NOD2: variants seen among roughly 807,000 people sequenced by gnomAD.
NOD2 encodes nucleotide binding oligomerization domain containing 2, also known as nucleotide-binding oligomerization domain-containing protein 2.
In NOD2, 86 loss-of-function variants were observed where a neutral mutation model predicts 90.9. The ratio of observed to expected loss-of-function variants is 0.95; its 90% CI spans 0.79 to 1.13. The LOEUF is 1.13. NOD2 is among the 50% of genes most tolerant of loss of function. NOD2 has a pLI of 0.00. For synonymous variants in NOD2, 581 were observed against 554.6 expected (o/e 1.05, Z -0.67); for missense variants, 1,238 against 1,283.8 (o/e 0.96, Z 0.55).
chr16:50,702,338 G>T (rs1165277109), intron 2 of NOD2, among the ~76,000 whole-genome samples: 1 of 152,208 alleles, frequency 6.6e-6, no homozygotes, highest in East Asian at 1.9e-4. Context: ...TAGCAGGGAT[G>T]GGAGACAACA....
intron 11 of NOD2, 178 bp downstream of exon 11, chr16:50,730,079 C>A: frequency 1.7e-6 from 1 of 574,320 alleles, no homozygotes; most frequent in Non-Finnish European, 3.2e-6. Flanking sequence ...GAAGTCTTTA[C>A]CTCTTTAAGT....
Position 50,711,271 on chromosome 16 carries a change from C to T in NOD2, c.1279C>T (p.Leu427=). The T allele has an allele frequency of 6.2e-7, 1 of 1,613,822 alleles. No individual in the cohort carries two copies. The highest frequency in any genetic ancestry group is 1.6e-4 in the Middle Eastern group (1 of 6,062). Residue 427 remains leucine, a synonymous_variant, in exon 4 of 12, where the codon CTG becomes TTG. Coordinates refer to ENST00000647318, the MANE Select transcript of NOD2 (RefSeq NM_001370466.1). ...GGGCTTCTCTGAACAGGGCATCGAG[C>T]TGTACCTGAGGAAGCGCCATCATGA... ...LKGFSEQGIE[L]YLRKRHHEPG...
chr16:50,710,576 A>G lies in NOD2; in HGVS notation c.584A>G (p.Tyr195Cys). 2 of 1,614,210 alleles carry G rather than the reference A, an allele frequency of 1.2e-6. No homozygotes were observed. The highest frequency in any genetic ancestry group is 4.5e-5 in the East Asian group (2 of 44,870). The part of the protein sequence containing the change: ...LPLEAATCKK[Y>C]MAKLRTTVSA... ...CTTCCAGCTGCCACATGCAAGAAGT[A>G]TATGGCCAAGCTGAGGACCACGGTG... The change falls in exon 4 of 12, where the codon TAT becomes TGT. Residue 195 changes from tyrosine to cysteine, a missense_variant. Physicochemically the swap from Tyr to Cys is radical, Grantham distance 194 (BLOSUM62 -2). Coordinates refer to ENST00000647318, the MANE Select transcript of NOD2 (RefSeq NM_001370466.1).
chr16:50,695,797 G>C (rs1461514137), intron 1 of NOD2, among the ~76,000 whole-genome samples: 1 of 152,006 alleles, frequency 6.6e-6, no homozygotes, highest in Non-Finnish European at 1.5e-5. Context: ...GCTGAGGGCT[G>C]AGGATTGAGC....
At chr16:50,697,551 C>A in intron 1 of NOD2, 1 of 611,112 alleles carries the variant, frequency 1.6e-6, no homozygotes, top group Non-Finnish European at 3.0e-6. Flanking sequence ...CACTCCAGGG[C>A]CAAGCCCAGA....
chr16:50,726,426 G>A (rs887582487), intron 10 of NOD2, among the ~76,000 whole-genome samples: 2 of 152,174 alleles, frequency 1.3e-5, no homozygotes, highest in Non-Finnish European at 1.5e-5. Flanking sequence ...CCACTCTGGC[G>A]ACACTCATTT....
At chr16:50,714,129 G>T (rs1371178344) in intron 4 of NOD2, among the ~76,000 whole-genome samples, 1 of 152,150 alleles carries the variant, frequency 6.6e-6, no homozygotes, top group Non-Finnish European at 1.5e-5. Flanking sequence ...AGGCATCACT[G>T]GCCTGTGTGA....
rs1189710557 is a variant in NOD2 at position 50,732,977 on chromosome 16, C to T, written c.*1158C>T. 1 of 152,328 alleles carries T rather than the reference C, an allele frequency of 6.6e-6. No homozygotes were observed. The highest frequency in any genetic ancestry group is 2.4e-5 in the African/African-American group (1 of 41,446). 9.4% of individuals were successfully genotyped at this position (152,328 alleles called of 1,614,324 possible). Reference sequence around the variant, plus strand: ...TGAAAACTGGTTAATATTTATAGGTCACTTTGTTTTACTGTCTTAAGTTTA... The same window carrying T: ...TGAAAACTGGTTAATATTTATAGGTTACTTTGTTTTACTGTCTTAAGTTTA... On this transcript the variant is annotated 3_prime_UTR_variant, in exon 12 of 12. Transcript: ENST00000647318.
Position 50,729,860 on chromosome 16 carries a change from C to G in NOD2, c.2928C>G (p.Leu976=). ...TCACCTACCTAGGGGCAGAAGCCCTCCTGCAGGCCCTTGAAAGGAATGACA... is the reference window on the plus strand; with the variant it reads ...TCACCTACCTAGGGGCAGAAGCCCTGCTGCAGGCCCTTGAAAGGAATGACA... ...NCITYLGAEA[L]LQALERNDTI... is the part of the protein sequence containing the mutation. Residue 976 remains leucine (L), a synonymous_variant, in exon 11 of 12, where the codon CTC becomes CTG. Transcript: ENST00000647318. The G allele has an allele frequency of 1.2e-6, 2 of 1,613,136 alleles. No individual in the cohort carries two copies. Among genetic ancestry groups the G allele is most frequent in the African/African-American group, 1.3e-5 (1 of 75,004 alleles).
rs747581406 is a variant in NOD2 at position 50,711,546 on chromosome 16, C to T, written c.1554C>T (p.Pro518=). 6.2e-7 allele frequency: 1 copy of T among 1,612,658 alleles called. No homozygotes were observed. The highest frequency in any genetic ancestry group is 8.5e-7 in the Non-Finnish European group (1 of 1,180,024). ...LGPSLLRGRL[P]TLLHLGRLAL... ...CCAGTCTTCTTCGGGGCCGCCTCCC[C>T]ACCCTCCTGCACCTGGGCAGACTGG... is the stretch of plus-strand genomic sequence containing the variant. The change falls in exon 4 of 12, where the codon CCC becomes CCT. Residue 518 remains proline, a synonymous_variant. Transcript: ENST00000647318.
chr16:50,719,007 C>T lies in NOD2; in HGVS notation c.2550-918C>T, dbSNP rs985692721. On this transcript the variant is annotated intron_variant, in intron 6 of 11. Transcript: ENST00000647318. ...GAAGGTTGAGACTGGGCACCTTGGA[C>T]TTCAGTGCAGTCCTAAGACATCTTG... 5.1e-4 allele frequency among the ~76,000 whole-genome samples: 78 copies of T among 152,178 alleles called. 1 individual carries two copies. Among genetic ancestry groups the T allele is most frequent in the Non-Finnish European group, 2.4e-4 (16 of 68,026 alleles).
intron 10 of NOD2, chr16:50,728,055 T>C: frequency 4.3e-6 from 1 of 234,104 alleles, no homozygotes; most frequent in Non-Finnish European, 8.9e-6. Flanking sequence ...TAAGAGAAGA[T>C]GACACTTCAA....
intron 6 of NOD2, among the ~76,000 whole-genome samples, chr16:50,719,520 GT>G (rs1249647751): frequency 6.6e-6 from 1 of 152,140 alleles, no homozygotes; most frequent in Non-Finnish European, 1.5e-5. Flanking sequence ...TGTGCAACAG[GT>G]AAAGCCTACC....
chr16:50,709,169 ATG>A (rs1001522444), intron 3 of NOD2, among the ~76,000 whole-genome samples: 4 of 152,098 alleles, frequency 2.6e-5, no homozygotes, highest in African/African-American at 9.7e-5. Flanking sequence ...TATCTATCTT[ATG>A]GTCTAAGTTC....
intron 2 of NOD2, among the ~76,000 whole-genome samples, chr16:50,702,186 G>A (rs1158070281): frequency 2.0e-5 from 3 of 151,976 alleles, no homozygotes; most frequent in East Asian, 1.9e-4. Flanking sequence ...CTCCTCCCTC[G>A]GCTTCCCAAA....
In NOD2 at chr16:50,707,959, A is replaced by G. The variant is rs1367967034; in HGVS notation, c.564A>G (p.Glu188=). 6.2e-7 allele frequency: 1 copy of G among 1,602,128 alleles called. No individual in the cohort carries two copies. Among genetic ancestry groups the G allele is most frequent in the Admixed American group, 1.7e-5 (1 of 60,000 alleles). Residue 188 remains glutamate (E), a splice_region_variant and synonymous_variant, in exon 3 of 12, where the codon GAA becomes GAG. Coordinates refer to ENST00000647318, the MANE Select transcript of NOD2 (RefSeq NM_001370466.1). ...CAGTCCCATTGGCCCTGCCTTTGGAAGGTAGGTGTATGTTCTCAGTTAATC... is the reference window on the plus strand; with the variant it reads ...CAGTCCCATTGGCCCTGCCTTTGGAGGGTAGGTGTATGTTCTCAGTTAATC... ...ELPVPLALPL[E]AATCKKYMAK... is the part of the protein sequence containing the mutation.
At chr16:50,717,279 G>A (rs575991156) in intron 6 of NOD2, among the ~76,000 whole-genome samples, 3 of 152,304 alleles carry the variant, frequency 2.0e-5, no homozygotes, top group Admixed American at 6.5e-5. Context: ...TGAGTTCCAC[G>A]ATGCATGTTG....
At chr16:50,697,821 G>C (rs147177623) in intron 1 of NOD2, 2 of 207,932 alleles carry the variant, frequency 9.6e-6, no homozygotes, top group African/African-American at 2.3e-5. Flanking sequence ...TGAGAGATTG[G>C]AGCTTTCTCC....
intron 4 of NOD2, among the ~76,000 whole-genome samples, chr16:50,713,793 C>T (rs17313265): frequency 0.2 from 29,761 of 152,010 alleles, 3,446 homozygotes; most frequent in Middle Eastern, 0.28. Context: ...GGAAGAATAC[C>T]GCTTGGCCCT....
Sources: allele counts gnomAD v4.1 joint callset (sites outside exome capture counted in the v4.1 genomes callset), GRCh38; gene constraint gnomAD v4.1.1; transcripts MANE v1.5; gene names NCBI Gene and HGNC (gene_info 2026-07-23, HGNC 2026-07-21).